The following ZNF385D variants were observed in gnomAD, a reference collection of about 807,000 sequenced individuals.
ZNF385D encodes zinc finger protein 385D, also known as zinc finger protein 659.
In ZNF385D, 15 loss-of-function variants were observed where a neutral mutation model predicts 35.8. That is an observed-to-expected ratio of 0.42 (90% CI 0.28 to 0.64). ZNF385D has a LOEUF of 0.64. ZNF385D is among the 30% of genes least tolerant of loss of function. ZNF385D has a pLI of 0.23. For synonymous variants in ZNF385D, 212 were observed against 186.8 expected (o/e 1.13, Z -1.10); for missense variants, 474 against 494.6 (o/e 0.96, Z 0.39).
intron 2 of ZNF385D, among the ~76,000 whole-genome samples, chr3:22,296,031 C>T (rs1315047118): frequency 6.6e-6 from 1 of 152,006 alleles, no homozygotes; most frequent in Non-Finnish European, 1.5e-5. Context: ...CTTTGCATGG[C>T]CCAGGGAAAA....
chr3:21,584,012 C>A (rs4102414), intron 2 of ZNF385D, among the ~76,000 whole-genome samples: 1 of 150,106 alleles, frequency 6.7e-6, no homozygotes, highest in South Asian at 2.1e-4. Flanking sequence ...TTTTGCCTGT[C>A]GCCCAGGCTG....
At chr3:21,665,125 C>A in intron 1 of ZNF385D, 97 bp from the exon 2 acceptor site, 1 of 1,428,266 alleles carries the variant, frequency 7.0e-7, no homozygotes, top group Non-Finnish European at 9.3e-7. Flanking sequence ...CTTTGTGGGT[C>A]ACTGGAAAAA....
chr3:21,722,926 G>A (rs2068602711), intron 1 of ZNF385D, among the ~76,000 whole-genome samples: 1 of 152,086 alleles, frequency 6.6e-6, no homozygotes, highest in African/African-American at 2.4e-5. Flanking sequence ...CTATGACCTG[G>A]TTGTCCTCAA....
intron 3 of ZNF385D, among the ~76,000 whole-genome samples, chr3:22,084,138 G>C (rs892094628): frequency 6.6e-6 from 1 of 152,184 alleles, no homozygotes; most frequent in African/African-American, 2.4e-5. Flanking sequence ...ATGCCAAATT[G>C]TAACGACCAT....
intron 3 of ZNF385D, among the ~76,000 whole-genome samples, chr3:21,521,236 C>G (rs915603906): frequency 6.6e-6 from 1 of 152,128 alleles, no homozygotes; most frequent in Non-Finnish European, 1.5e-5. Flanking sequence ...CACAGTTCTC[C>G]GAGGCACTTT....
chr3:22,302,780 G>A (rs1422707590), intron 2 of ZNF385D, among the ~76,000 whole-genome samples: 2 of 151,886 alleles, frequency 1.3e-5, no homozygotes, highest in Non-Finnish European at 2.9e-5. Flanking sequence ...ATGTTACTTT[G>A]AAAGGCCTCA....
intron 1 of ZNF385D, among the ~76,000 whole-genome samples, chr3:21,697,969 G>C (rs1446292978): frequency 6.6e-6 from 1 of 152,120 alleles, no homozygotes; most frequent in Non-Finnish European, 1.5e-5. Flanking sequence ...CATGGATATG[G>C]AAAAAATGGA....
At chr3:22,201,482 G>A (rs1449675607) in intron 2 of ZNF385D, among the ~76,000 whole-genome samples, 1 of 152,002 alleles carries the variant, frequency 6.6e-6, no homozygotes, top group African/African-American at 2.4e-5. Flanking sequence ...AATAATTGAT[G>A]AGCACTTGTT....
At chr3:21,606,738 C>T (rs1311649384) in intron 2 of ZNF385D, among the ~76,000 whole-genome samples, 1 of 152,156 alleles carries the variant, frequency 6.6e-6, no homozygotes, top group Non-Finnish European at 1.5e-5. Flanking sequence ...ATAAATTCCA[C>T]CATCAGACCT....
chr3:22,358,503 A>G (rs952949623), intron 2 of ZNF385D, among the ~76,000 whole-genome samples: 2 of 151,756 alleles, frequency 1.3e-5, no homozygotes, highest in Admixed American at 6.6e-5. Flanking sequence ...GGAGAGAGTG[A>G]AGTTTTAAGA....
chr3:22,113,434 C>T (rs1003552958), intron 3 of ZNF385D, among the ~76,000 whole-genome samples: 4 of 151,984 alleles, frequency 2.6e-5, no homozygotes, highest in Non-Finnish European at 4.4e-5. Context: ...AATGAATTAT[C>T]AGAACTATAC....
At position 21,770,799 on chromosome 3, in the gene ZNF385D, T is replaced by C. The variant is rs377482629; in HGVS notation, c.326-105771A>G. On this transcript the variant is annotated intron_variant, in intron 3 of 5. Transcript: ENST00000494108. ...AAAGACACATGCACACGTATGTTTA[T>C]TGCGGTACTACTCACAATAGCAAAG... is the stretch of plus-strand genomic sequence containing the variant. Among the ~76,000 whole-genome samples, 26 of 152,290 alleles carry C rather than the reference T, an allele frequency of 1.7e-4. No individual in the cohort carries two copies. In the East Asian group the frequency reaches 3.9e-3, roughly 23 times the overall value.
intron 4 of ZNF385D, among the ~76,000 whole-genome samples, chr3:21,506,684 C>T (rs1382329138): frequency 6.6e-6 from 1 of 152,176 alleles, no homozygotes; most frequent in Non-Finnish European, 1.5e-5. Flanking sequence ...TGGAAATGCT[C>T]TATGAAATAT....
At chr3:21,602,377 A>G (rs571982516) in intron 2 of ZNF385D, among the ~76,000 whole-genome samples, 236 of 152,180 alleles carry the variant, frequency 1.6e-3, no homozygotes, top group African/African-American at 5.5e-3. Context: ...CCAGCGTGCA[A>G]ATATTGATGA....
chr3:22,030,010 T>C (rs901734751), intron 3 of ZNF385D, among the ~76,000 whole-genome samples: 1 of 151,690 alleles, frequency 6.6e-6, no homozygotes, highest in African/African-American at 2.4e-5. Flanking sequence ...CCACCCTTAA[T>C]CTGGTGGGCA....
At chr3:21,485,741 G>A (rs946634878) in intron 4 of ZNF385D, among the ~76,000 whole-genome samples, 2 of 151,840 alleles carry the variant, frequency 1.3e-5, no homozygotes, top group Non-Finnish European at 1.5e-5. Context: ...TATGTGGCAG[G>A]CCTTATGTTA....
intron 2 of ZNF385D, among the ~76,000 whole-genome samples, chr3:22,291,664 C>T (rs1702309089): frequency 6.6e-6 from 1 of 151,918 alleles, no homozygotes; most frequent in South Asian, 2.1e-4. Flanking sequence ...AACTTCTAGA[C>T]TTGTTTTAAA....
intron 3 of ZNF385D, among the ~76,000 whole-genome samples, chr3:21,866,304 A>G (rs1697356912): frequency 6.6e-6 from 1 of 152,032 alleles, no homozygotes; most frequent in African/African-American, 2.4e-5. Context: ...AATACAAAAA[A>G]TTAGCTGGGC....
intron 4 of ZNF385D, among the ~76,000 whole-genome samples, chr3:21,477,142 G>A (rs1704301624): frequency 6.6e-6 from 1 of 152,186 alleles, no homozygotes; most frequent in Non-Finnish European, 1.5e-5. Context: ...GTTAATGGAA[G>A]GTTGAGGAGG....
Sources: allele counts gnomAD v4.1 joint callset (sites outside exome capture counted in the v4.1 genomes callset), GRCh38; gene constraint gnomAD v4.1.1; transcripts MANE v1.5; gene names NCBI Gene and HGNC (gene_info 2026-07-23, HGNC 2026-07-21).